The following DNAJB1 variants were observed in gnomAD, a reference collection of about 807,000 sequenced individuals.
DNAJB1 encodes dnaJ homolog subfamily B member 1.
A neutral mutation model predicts 24.0 loss-of-function variants in DNAJB1; 14 were observed. That is an observed-to-expected ratio of 0.58 (90% CI 0.39 to 0.91). The LOEUF is 0.91. Among genes scored for constraint, DNAJB1 ranks in the 40% least tolerant of loss-of-function variants. DNAJB1 has a pLI of 0.00. For synonymous variants in DNAJB1, 262 were observed against 174.4 expected (o/e 1.50, Z -3.96); for missense variants, 517 against 458.1 (o/e 1.13, Z -1.17).
At position 14,515,843 on chromosome 19, in the gene DNAJB1, G is replaced by A; in HGVS notation, c.*97C>T. On this transcript the variant is annotated 3_prime_UTR_variant, in exon 3 of 3. Transcript: ENST00000254322. ...TCAGCAGTACGAAAGCCCTCCCTGGGCCCTCCCACCCTCTCATGGTCCACA... is the reference window on the plus strand; with the variant it reads ...TCAGCAGTACGAAAGCCCTCCCTGGACCCTCCCACCCTCTCATGGTCCACA... 8.3e-7 allele frequency: 1 copy of A among 1,200,878 alleles called. No individual in the cohort carries two copies. The highest frequency in any genetic ancestry group is 1.4e-5 in the South Asian group (1 of 73,236). The allele number at this position is 1,200,878 out of a possible 1,614,324, so 74.4% of individuals were successfully genotyped here. A position where few individuals can be genotyped will look rare whatever the true frequency, so the allele number is the denominator to read the frequency against.
chr19:14,535,756 C>CAAA lies in DNAJB1; in HGVS notation c.-213-7949_-213-7947dup, dbSNP rs1161257175. 9.6e-4 allele frequency among the ~76,000 whole-genome samples: 50 copies of CAAA among 51,928 alleles called. 2 individuals carry two copies. The South Asian group carries it at 0.042, about 44-fold the overall frequency. 34.1% of individuals were successfully genotyped at this position (51,928 alleles called of 152,430 possible). A position where few individuals can be genotyped will look rare whatever the true frequency, so the allele number is the denominator to read the frequency against. On this transcript the variant is annotated intron_variant, in intron 1 of 3. Transcript: ENST00000676982. ...TGGGCAACAGAGTGAGACTCTGTCT[C>CAAA]AAAAAAAAAAAAAAAAAAAAAGGGA...
chr19:14,535,817 A>T (rs2072880150), intron 1 of DNAJB1, among the ~76,000 whole-genome samples: 1 of 148,376 alleles, frequency 6.7e-6, no homozygotes, highest in African/African-American at 2.5e-5. Context: ...AGCTATAAAG[A>T]CCTTTCCTAT....
At chr19:14,538,069 CAT>C (rs1303354136) in intron 1 of DNAJB1, among the ~76,000 whole-genome samples, 1 of 152,112 alleles carries the variant, frequency 6.6e-6, no homozygotes, top group African/African-American at 2.4e-5. Context: ...TATCTAGTAA[CAT>C]ATCTAAATCG....
At chr19:14,547,343 CTATTTTATTT>C (rs149850437) in intron 1 of DNAJB1, among the ~76,000 whole-genome samples, 28,479 of 151,628 alleles carry the variant, frequency 0.19, 3,150 homozygotes, top group South Asian at 0.36. Context: ...CGTACCTGGC[CTATTTTATTT>C]TATTTTATTT....
At chr19:14,516,300 TC>T in intron 2 of DNAJB1, 130 bp from the exon 3 acceptor site, 6 of 1,277,168 alleles carry the variant, frequency 4.7e-6, no homozygotes, top group Non-Finnish European at 6.5e-6. Flanking sequence ...AATCTACACG[TC>T]CCCACCACGA....
chr19:14,522,246 T>G (rs1378836204), upstream of DNAJB1, among the ~76,000 whole-genome samples: 1 of 152,010 alleles, frequency 6.6e-6, no homozygotes, highest in African/African-American at 2.4e-5. Context: ...TACAGTTGCT[T>G]GACTTTAAAA....
intron 1 of DNAJB1, among the ~76,000 whole-genome samples, chr19:14,535,575 T>A (rs1599415980): frequency 3.2e-5 from 1 of 30,914 alleles, no homozygotes; most frequent in Non-Finnish European, 7.0e-5. Context: ...TATATATATA[T>A]ATATATATAT....
chr19:14,552,540 TTTC>T (rs2073565582), upstream of DNAJB1, among the ~76,000 whole-genome samples: 1 of 151,188 alleles, frequency 6.6e-6, no homozygotes, highest in African/African-American at 2.4e-5. Flanking sequence ...TTTCTTTTCT[TTTC>T]TTTTTTTTTG....
intron 2 of DNAJB1, among the ~76,000 whole-genome samples, chr19:14,527,153 A>G (rs2072440263): frequency 6.9e-6 from 1 of 145,762 alleles, no homozygotes; most frequent in African/African-American, 2.6e-5. Flanking sequence ...TGCCACCAGA[A>G]AAATATCTCT....
chr19:14,557,037 G>A (rs956851030), intron 1 of DNAJB1, among the ~76,000 whole-genome samples: 2 of 152,196 alleles, frequency 1.3e-5, no homozygotes, highest in Admixed American at 6.5e-5. Flanking sequence ...CGTCCCAGGA[G>A]AAGGGGCCTG....
At chr19:14,552,383 CATT>C (rs1297365941), upstream of DNAJB1, among the ~76,000 whole-genome samples, 19 of 151,092 alleles carry the variant, frequency 1.3e-4, no homozygotes, top group African/African-American at 4.4e-4. Context: ...AGGATGGAGG[CATT>C]ATTTTATTGT....
At position 14,518,161 on chromosome 19, in the gene DNAJB1, G is replaced by A. The variant is rs370213542; in HGVS notation, c.189C>T (p.Ile63=). 1.8e-5 allele frequency: 29 copies of A among 1,584,212 alleles called. No homozygotes were observed. The highest frequency in any genetic ancestry group is 1.7e-4 in the Middle Eastern group (1 of 5,954). The change falls in exon 1 of 3, where the codon ATC becomes ATT. Residue 63 remains isoleucine, a synonymous_variant. Coordinates refer to ENST00000254322, the MANE Select transcript of DNAJB1 (RefSeq NM_006145.3). ...CACCTTCCTCCCCGTAGCGGTCGAA[G>A]ATCTCGCGCTTGCGCGGGTCGCTGA... ...DVLSDPRKRE[I]FDRYGEEGLK... is the part of the protein sequence containing the mutation.
intron 1 of DNAJB1, among the ~76,000 whole-genome samples, chr19:14,537,561 C>A (rs2072946449): frequency 6.6e-6 from 1 of 152,090 alleles, no homozygotes; most frequent in African/African-American, 2.4e-5. Flanking sequence ...ACAAGCCTGG[C>A]TGCGTGAGAA....
chr19:14,516,878 A>G lies in DNAJB1; in HGVS notation c.380T>C (p.Ile127Thr). ...GQRNGEEGMDIDDPFSGFPMG... is the reference protein window; with the variant it reads ...GQRNGEEGMDTDDPFSGFPMG... ...AGGGAAGCCAGAGAATGGGTCATCA[A>G]TGTCCATGCCTTCCTCCCCGTTCCG... Residue 127 changes from isoleucine (I) to threonine (T), a missense_variant, in exon 2 of 3, where the codon ATT (isoleucine) becomes ACT (threonine). Transcript: ENST00000254322. 2 of 1,614,126 alleles carry G rather than the reference A, an allele frequency of 1.2e-6. No homozygotes were observed. The highest frequency in any genetic ancestry group is 1.7e-6 in the Non-Finnish European group (2 of 1,180,018).
chr19:14,516,773 G>A lies in DNAJB1; in HGVS notation c.485C>T (p.Pro162Leu). The change falls in exon 2 of 3, where the codon CCC becomes CTC. Residue 162 changes from proline to leucine, a missense_variant. By Grantham distance (98) the Pro-to-Leu change is moderately conservative. Transcript: ENST00000254322. ...AQEPARKKQD[P>L]PVTHDLRVSL... ...GACTCGAAGGTCGTGGGTGACTGGG[G>A]GATCTTGCTTCTTTCGGGCGGGCTC... is the stretch of plus-strand genomic sequence containing the variant. 6.2e-7 allele frequency: 1 copy of A among 1,613,970 alleles called. No homozygotes were observed. Among genetic ancestry groups the A allele is most frequent in the Non-Finnish European group, 8.5e-7 (1 of 1,179,998 alleles).
At chr19:14,519,040 C>T (rs962496617), upstream of DNAJB1, among the ~76,000 whole-genome samples, 8 of 152,218 alleles carry the variant, frequency 5.3e-5, no homozygotes, top group African/African-American at 1.9e-4. Context: ...GGAGACCAGC[C>T]TAGGCAACAT....
Position 14,528,100 on chromosome 19 carries a change from T to G in DNAJB1, c.-174-290A>C, listed in dbSNP as rs549720413. Among the ~76,000 whole-genome samples the G allele has an allele frequency of 2.6e-5, 4 of 152,034 alleles. No individual in the cohort carries two copies. In the South Asian group the frequency reaches 8.3e-4, roughly 32 times the overall value. ...GGTTTCACCACGTTGTCCAGGCTGG[T>G]CTTGAATTCCTGACCTCATGTGATC... is the stretch of plus-strand genomic sequence containing the variant. On this transcript the variant is annotated intron_variant, in intron 1 of 3. Coordinates refer to the DNAJB1 transcript ENST00000396969.
At chr19:14,545,864 T>C (rs1421547546) in intron 1 of DNAJB1, 1 of 152,674 alleles carries the variant, frequency 6.5e-6, no homozygotes, top group Admixed American at 6.5e-5. Flanking sequence ...CCGAGGAGCA[T>C]CGGAAATGGG....
chr19:14,528,066 T>A (rs1160449558), intron 1 of DNAJB1, among the ~76,000 whole-genome samples: 1 of 151,624 alleles, frequency 6.6e-6, no homozygotes, highest in Non-Finnish European at 1.5e-5. Flanking sequence ...GTATTTTTAG[T>A]AGAGACAGGG....
Sources: allele counts gnomAD v4.1 joint callset (sites outside exome capture counted in the v4.1 genomes callset), GRCh38; gene constraint gnomAD v4.1.1; transcripts MANE v1.5; gene names NCBI Gene and HGNC (gene_info 2026-07-23, HGNC 2026-07-21).